Variants in SNED1 observed in about 807,000 individuals in gnomAD.
SNED1 encodes sushi, nidogen and EGF-like domain-containing protein 1.
SNED1 carries 81 observed loss-of-function variants against 166.7 expected under a neutral mutation model. That is an observed-to-expected ratio of 0.49 (90% CI 0.41 to 0.58). SNED1 has a LOEUF of 0.58. Among genes scored for constraint, SNED1 ranks in the 20% least tolerant of loss-of-function variants. The probability of loss-of-function intolerance (pLI) is 0.00; values close to 1 mark genes in which losing one functional copy is unlikely to be tolerated. For synonymous variants in SNED1, 762 were observed against 822.0 expected (o/e 0.93, Z 1.25); for missense variants, 1,604 against 2,000.2 (o/e 0.80, Z 3.78).
chr2:241,060,060 T>C (rs530083664), intron 16 of SNED1, among the ~76,000 whole-genome samples: 5 of 152,386 alleles, frequency 3.3e-5, no homozygotes, highest in African/African-American at 9.6e-5. Flanking sequence ...AGGGTCAGTA[T>C]ATAGAACCTG....
chr2:240,998,775 G>A lies in SNED1; in HGVS notation c.-63G>A. On this transcript the variant is annotated 5_prime_UTR_variant, in exon 1 of 32. Coordinates refer to ENST00000310397, the MANE Select transcript of SNED1 (RefSeq NM_001080437.3). ...GCCTGGCCCTGCCGGCCACCCCCGCGCGCAGCCTAGTCCCCCAGCGCCCTG... is the reference window on the plus strand; with the variant it reads ...GCCTGGCCCTGCCGGCCACCCCCGCACGCAGCCTAGTCCCCCAGCGCCCTG... The A allele has an allele frequency of 1.2e-6, 1 of 838,162 alleles. No homozygotes were observed. Among genetic ancestry groups the A allele is most frequent in the Non-Finnish European group, 1.5e-6 (1 of 681,642 alleles). The allele number at this position is 838,162 out of a possible 1,614,324, so 51.9% of individuals were successfully genotyped here.
intron 2 of SNED1, among the ~76,000 whole-genome samples, chr2:241,032,940 T>A (rs2061234627): frequency 6.6e-6 from 1 of 152,262 alleles, no homozygotes; most frequent in Non-Finnish European, 1.5e-5. Context: ...TTTTTCACAT[T>A]GCTGTTTGCC....
intron 30 of SNED1, chr2:241,088,043 G>A (rs2063674336): frequency 7.1e-6 from 3 of 422,178 alleles, no homozygotes; most frequent in Non-Finnish European, 4.2e-6. Context: ...CACCAGCCGT[G>A]CTGCTCGGCC....
intron 16 of SNED1, among the ~76,000 whole-genome samples, chr2:241,061,568 A>G (rs534071131): frequency 3.9e-5 from 6 of 152,206 alleles, no homozygotes; most frequent in Non-Finnish European, 7.3e-5. Flanking sequence ...ATGGGAAAGA[A>G]TATACACAGC....
intron 17 of SNED1, 127 bp from the exon 18 acceptor site, chr2:241,063,460 G>A (rs1379972367): frequency 5.6e-6 from 4 of 717,816 alleles, no homozygotes; most frequent in Non-Finnish European, 1.0e-5. Flanking sequence ...AAAAGCACAT[G>A]TCCTGAGTAG....
chr2:241,081,604 G>A, intron 27 of SNED1, 73 bp from the exon 28 acceptor site: 2 of 1,151,284 alleles, frequency 1.7e-6, no homozygotes, highest in South Asian at 2.6e-5. Flanking sequence ...TCAAGGAAGG[G>A]ACAGCAACAT....
intron 9 of SNED1, 57 bp from the exon 10 acceptor site, chr2:241,048,605 G>C: frequency 1.3e-6 from 2 of 1,528,076 alleles, no homozygotes; most frequent in South Asian, 1.2e-5. Context: ...GGTCTGGAGC[G>C]AGGGTGCCAT....
chr2:241,010,286 T>C (rs7571354), intron 1 of SNED1: 29,547 of 152,286 alleles, frequency 0.19, 3,027 homozygotes, highest in African/African-American at 0.25. Flanking sequence ...GGCTGTTGCA[T>C]ATCGGCACTT....
rs1450803262 is a variant in SNED1 at position 241,081,614 on chromosome 2, T to C, written c.3917-63T>C. On this transcript the variant is annotated intron_variant, in intron 27 of 31. Transcript: ENST00000310397. ...GGTCATCAAGGAAGGGACAGCAACA[T>C]GTCCATGAGGCAGGCCTGTCCTGGG... The C allele has an allele frequency of 5.7e-6, 7 of 1,223,740 alleles. No individual in the cohort carries two copies. The Middle Eastern group carries it at 5.5e-4, about 97-fold the overall frequency. The allele number at this position is 1,223,740 out of a possible 1,614,324, so 75.8% of individuals were successfully genotyped here. A position where few individuals can be genotyped will look rare whatever the true frequency, so the allele number is the denominator to read the frequency against.
At chr2:241,085,311 G>C (rs1361980858) in intron 29 of SNED1, among the ~76,000 whole-genome samples, 1 of 152,022 alleles carries the variant, frequency 6.6e-6, no homozygotes, top group Non-Finnish European at 1.5e-5. Context: ...TTTCATTTTG[G>C]ACAGATTCTA....
At chr2:241,072,709 G>A (rs768075820) in intron 26 of SNED1, 20 of 193,648 alleles carry the variant, frequency 1.0e-4, no homozygotes, top group Non-Finnish European at 1.7e-4. Context: ...GCAGCTGCCC[G>A]GGATGCCCAG....
rs968246002 is a variant in SNED1, at chr2:241,069,390, G to A, written c.3307+367G>A. ...TCTAGCTAAGCTCCCTAAGTTCCTG[G>A]TGTCACTAGGCCCACACCCCCTCCC... On this transcript the variant is annotated intron_variant, in intron 23 of 31. Transcript: ENST00000310397. The surrounding 1 kb of genome is among the most constrained non-coding windows in gnomAD (Gnocchi z 4.9). 6.6e-6 allele frequency among the ~76,000 whole-genome samples: 1 copy of A among 152,184 alleles called. No homozygotes were observed. The highest frequency in any genetic ancestry group is 2.4e-5 in the African/African-American group (1 of 41,448).
At chr2:241,071,384 C>T (rs1000492617) in intron 24 of SNED1, 192 bp from the exon 25 acceptor site, 32 of 632,466 alleles carry the variant, frequency 5.1e-5, no homozygotes, top group Middle Eastern at 4.2e-4. Context: ...AGGGATGCGG[C>T]GGGTGGGCTG....
At chr2:241,000,482 G>T (rs116491719) in intron 1 of SNED1, among the ~76,000 whole-genome samples, 1 of 152,168 alleles carries the variant, frequency 6.6e-6, no homozygotes, top group East Asian at 1.9e-4. Flanking sequence ...GCGTTGGCCC[G>T]AGCTGGAGGA....
chr2:241,071,581 A>C lies in SNED1; in HGVS notation c.3595A>C (p.Arg1199=). The change falls in exon 25 of 32, where the codon AGG becomes CGG. Residue 1199 remains arginine (R), a synonymous_variant. Coordinates refer to ENST00000310397, the MANE Select transcript of SNED1 (RefSeq NM_001080437.3). Reference sequence around the variant, plus strand: ...TCCTCCTGCCTGCTCTGCAGCCCCCAGGGATGGCGCTGACAGACGCTGGCA... The same window carrying C: ...TCCTCCTGCCTGCTCTGCAGCCCCCCGGGATGGCGCTGACAGACGCTGGCA... ...PAHLYIITSP[R]DGADRRWHQG... 3 of 1,586,266 alleles carry C rather than the reference A, an allele frequency of 1.9e-6. No individual in the cohort carries two copies. Among genetic ancestry groups the C allele is most frequent in the Non-Finnish European group, 2.6e-6 (3 of 1,173,714 alleles).
intron 31 of SNED1, chr2:241,088,819 CG>C: frequency 4.5e-6 from 1 of 222,488 alleles, no homozygotes; most frequent in Non-Finnish European, 8.8e-6. Context: ...TGAGAAATTC[CG>C]GGGGCTCCAG....
In SNED1 at chr2:241,040,067, C is replaced by T; in HGVS notation, c.1046-8C>T. On this transcript the variant is annotated splice_polypyrimidine_tract_variant and splice_region_variant and intron_variant, in intron 6 of 31. Transcript: ENST00000310397. ...GTCCATCGTCCTGTCTACACCTCCTCACTCTAGCCCAATCCCCCTGTGACA... is the reference window on the plus strand; with the variant it reads ...GTCCATCGTCCTGTCTACACCTCCTTACTCTAGCCCAATCCCCCTGTGACA... The T allele has an allele frequency of 6.4e-7, 1 of 1,564,888 alleles. No individual in the cohort carries two copies. Among genetic ancestry groups the T allele is most frequent in the Non-Finnish European group, 8.7e-7 (1 of 1,153,310 alleles).
intron 21 of SNED1, 120 bp from the exon 22 acceptor site, chr2:241,067,644 C>CCT: frequency 1.3e-6 from 1 of 753,966 alleles, no homozygotes; most frequent in Admixed American, 2.8e-5. Context: ...GATGGGACAC[C>CCT]CTCTCCAGTG....
Position 241,004,300 on chromosome 2 carries a change from T to TA in SNED1, c.213+5258dup, listed in dbSNP as rs899170315. On this transcript the variant is annotated intron_variant, in intron 1 of 31. Coordinates refer to ENST00000310397, the MANE Select transcript of SNED1 (RefSeq NM_001080437.3). ...CCTTGATTGTCTTTCTTGTAAATGCTAAAAAAAAGAAGTGTAGTACTGATT... is the reference window on the plus strand; with the variant it reads ...CCTTGATTGTCTTTCTTGTAAATGCTAAAAAAAAAGAAGTGTAGTACTGATT... Among the ~76,000 whole-genome samples the TA allele has an allele frequency of 8.5e-5, 13 of 152,156 alleles. No individual in the cohort carries two copies. In the South Asian group the frequency reaches 1.0e-3, roughly 12 times the overall value.
Sources: allele counts gnomAD v4.1 joint callset (sites outside exome capture counted in the v4.1 genomes callset), GRCh38; gene constraint gnomAD v4.1.1; non-coding constraint Gnocchi (gnomAD v3.1); transcripts MANE v1.5; gene names NCBI Gene and HGNC (gene_info 2026-07-23, HGNC 2026-07-21).